Variants in FRMD3 observed in about 807,000 individuals in gnomAD.
FRMD3 encodes the protein FERM domain-containing protein 3.
FRMD3 carries 33 observed loss-of-function variants against 70.2 expected under a neutral mutation model. The ratio of observed to expected loss-of-function variants is 0.47; its 90% CI spans 0.36 to 0.63. The LOEUF is 0.63. Among genes scored for constraint, FRMD3 ranks in the 20% least tolerant of loss-of-function variants. The probability of loss-of-function intolerance (pLI) is 0.00; values close to 1 mark genes in which losing one functional copy is unlikely to be tolerated. For missense variants in FRMD3, 632 were observed against 711.4 expected (o/e 0.89, Z 1.27); for synonymous variants, 279 against 255.9 (o/e 1.09, Z -0.86).
At chr9:83,306,025 A>T (rs1835120913) in intron 10 of FRMD3, among the ~76,000 whole-genome samples, 1 of 152,110 alleles carries the variant, frequency 6.6e-6, no homozygotes. Flanking sequence ...CATTTTCCAT[A>T]TTGCAGGTTT....
the FRMD3 span, among the ~76,000 whole-genome samples, chr9:83,558,906 G>A: frequency 6.6e-6 from 1 of 152,190 alleles, no homozygotes; most frequent in Non-Finnish European, 1.5e-5. Context: ...GTGGAGCCTG[G>A]ACATTGACTG....
At chr9:83,283,543 AAAAAATAAT>A (rs1167340329) in intron 13 of FRMD3, among the ~76,000 whole-genome samples, 12,989 of 43,352 alleles carry the variant, frequency 0.3, 731 homozygotes, top group East Asian at 0.51. Flanking sequence ...AAAAAAAAAA[AAAAAATAAT>A]AATAATAATA....
chr9:83,545,888 C>T, the FRMD3 span, among the ~76,000 whole-genome samples: 2 of 152,092 alleles, frequency 1.3e-5, no homozygotes, highest in Non-Finnish European at 2.9e-5. Flanking sequence ...ACAAACATCA[C>T]CAAGGTGTAT....
At chr9:83,455,046 C>CTA (rs914462401) in intron 1 of FRMD3, among the ~76,000 whole-genome samples, 3 of 151,622 alleles carry the variant, frequency 2.0e-5, no homozygotes, top group African/African-American at 7.3e-5. Context: ...AGAACTCTGC[C>CTA]TATATCTGAC....
chr9:83,277,418 G>A (rs1312827075), intron 13 of FRMD3, among the ~76,000 whole-genome samples: 1 of 152,182 alleles, frequency 6.6e-6, no homozygotes, highest in African/African-American at 2.4e-5. Context: ...AGGCTGAAGT[G>A]TAATGGTATG....
intron 1 of FRMD3, among the ~76,000 whole-genome samples, chr9:83,479,399 G>T (rs1828478350): frequency 8.7e-6 from 1 of 114,388 alleles, no homozygotes; most frequent in African/African-American, 3.0e-5. Flanking sequence ...AAGGAAGAAA[G>T]GAGGGAGGGA....
intron 1 of FRMD3, among the ~76,000 whole-genome samples, chr9:83,420,928 TTC>T (rs1826616210): frequency 7.0e-6 from 1 of 143,612 alleles, no homozygotes; most frequent in South Asian, 2.2e-4. Context: ...GCCATCTTTT[TTC>T]TTTCTTCTTT....
At chr9:83,534,598 C>A (rs185445512) in intron 1 of FRMD3, among the ~76,000 whole-genome samples, 47 of 151,300 alleles carry the variant, frequency 3.1e-4, no homozygotes, top group African/African-American at 1.1e-3. Context: ...CTAATCAGAG[C>A]ACAACTAGGC....
At chr9:83,459,537 T>G (rs1157087118) in intron 1 of FRMD3, among the ~76,000 whole-genome samples, 1 of 152,212 alleles carries the variant, frequency 6.6e-6, no homozygotes, top group East Asian at 1.9e-4. Context: ...TACTGAGAGA[T>G]GCCTAGGCCT....
intron 13 of FRMD3, among the ~76,000 whole-genome samples, chr9:83,263,818 T>C (rs1833101881): frequency 6.6e-6 from 1 of 152,044 alleles, no homozygotes; most frequent in Admixed American, 6.6e-5. Context: ...AATAGCCAAA[T>C]GCACAAATTA....
At chr9:83,435,816 G>T (rs1827117186) in intron 1 of FRMD3, among the ~76,000 whole-genome samples, 2 of 152,152 alleles carry the variant, frequency 1.3e-5, no homozygotes, top group African/African-American at 4.8e-5. Flanking sequence ...TTCTGATTCA[G>T]TAAATATGAG....
chr9:83,486,598 A>C (rs905651955), intron 1 of FRMD3, among the ~76,000 whole-genome samples: 7 of 152,348 alleles, frequency 4.6e-5, no homozygotes, highest in Admixed American at 1.3e-4. Context: ...ATTTCTCAAC[A>C]TAAGCCTGGA....
At chr9:83,553,211 TA>T in the FRMD3 span, among the ~76,000 whole-genome samples, 3 of 152,234 alleles carry the variant, frequency 2.0e-5, no homozygotes, top group African/African-American at 7.2e-5. Flanking sequence ...GAAACGATCT[TA>T]TTTTTCCTTC....
chr9:83,490,485 T>C (rs958941996), intron 1 of FRMD3, among the ~76,000 whole-genome samples: 1 of 152,066 alleles, frequency 6.6e-6, no homozygotes, highest in Non-Finnish European at 1.5e-5. Context: ...AGACAGGATT[T>C]CGCCAAGGAT....
chr9:83,558,550 T>C, the FRMD3 span, among the ~76,000 whole-genome samples: 200 of 152,334 alleles, frequency 1.3e-3, 2 homozygotes, highest in Middle Eastern at 6.8e-3. Flanking sequence ...GTTGTTTTCA[T>C]GCCTCCTTAG....
chr9:83,415,614 CT>C (rs1168650565), intron 1 of FRMD3, among the ~76,000 whole-genome samples: 2,905 of 108,960 alleles, frequency 0.027, 68 homozygotes, highest in African/African-American at 0.081. Context: ...GACTAATTTT[CT>C]TTTTTTTTTT....
intron 1 of FRMD3, among the ~76,000 whole-genome samples, chr9:83,471,842 G>A (rs994153325): frequency 1.3e-5 from 2 of 152,168 alleles, no homozygotes; most frequent in Non-Finnish European, 2.9e-5. Flanking sequence ...AGCTAGCAAT[G>A]GCGTCCCACA....
At chr9:83,483,573 T>C (rs1398082007) in intron 1 of FRMD3, among the ~76,000 whole-genome samples, 1 of 152,126 alleles carries the variant, frequency 6.6e-6, no homozygotes, top group Non-Finnish European at 1.5e-5. Flanking sequence ...CTGATACAAA[T>C]GTAACTTGTG....
chr9:83,247,361 A>G lies in FRMD3; in HGVS notation c.*557T>C, dbSNP rs748515350. 2.9e-5 allele frequency: 28 copies of G among 980,104 alleles called. No individual in the cohort carries two copies. The highest frequency in any genetic ancestry group is 6.4e-5 in the Admixed American group (1 of 15,650). 60.7% of individuals were successfully genotyped at this position (980,104 alleles called of 1,614,324 possible). On this transcript the variant is annotated 3_prime_UTR_variant, in exon 14 of 14. Coordinates refer to ENST00000304195, the MANE Select transcript of FRMD3 (RefSeq NM_174938.6). ...TGTGCATTAGTCTTACAATCTGTAC[A>G]TGTAAATAACTCCAGGAGGCTTCTT...
Sources: allele counts gnomAD v4.1 joint callset (sites outside exome capture counted in the v4.1 genomes callset), GRCh38; gene constraint gnomAD v4.1.1; transcripts MANE v1.5; gene names NCBI Gene and HGNC (gene_info 2026-07-23, HGNC 2026-07-21).